The following TRAF4 variants were observed in gnomAD, a reference collection of about 807,000 sequenced individuals.
TRAF4 encodes the protein TNF receptor-associated factor 4.
A neutral mutation model predicts 47.3 loss-of-function variants in TRAF4; 9 were observed. That is an observed-to-expected ratio of 0.19 (90% CI 0.11 to 0.33). The LOEUF is 0.33. Among genes scored for constraint, TRAF4 ranks in the 10% least tolerant of loss-of-function variants. The probability of loss-of-function intolerance (pLI) is 1.00; values close to 1 mark genes in which losing one functional copy is unlikely to be tolerated. For synonymous variants in TRAF4, 236 were observed against 236.9 expected (o/e 1.00, Z 0.04); for missense variants, 448 against 620.3 (o/e 0.72, Z 2.95).
rs1004760193 is a variant in TRAF4 at position 28,749,974 on chromosome 17, T to TC, written c.*402dup. 1.5e-6 allele frequency: 1 copy of TC among 664,500 alleles called. No individual in the cohort carries two copies. Among genetic ancestry groups the TC allele is most frequent in the Non-Finnish European group, 2.8e-6 (1 of 361,004 alleles). The allele number at this position is 664,500 out of a possible 1,614,324, so 41.2% of individuals were successfully genotyped here. On this transcript the variant is annotated 3_prime_UTR_variant, in exon 7 of 7. Transcript: ENST00000262395. ...GAGTCTGTCTTGAGATCTGATTTTT[T>TC]CCCCCTTTACCTAGCTGTGCCCCCT...
chr17:28,748,493 C>T lies in TRAF4; in HGVS notation c.625-18C>T. ...AGTCAGGATATTGACTCCTGCCTCT[C>T]TACTTCTGTGGCCCCAGAGCCACCA... On this transcript the variant is annotated intron_variant, in intron 5 of 6. Coordinates refer to ENST00000262395, the MANE Select transcript of TRAF4 (RefSeq NM_004295.4). The T allele has an allele frequency of 2.5e-6, 4 of 1,611,692 alleles. No homozygotes were observed. The highest frequency in any genetic ancestry group is 3.4e-6 in the Non-Finnish European group (4 of 1,178,642).
At chr17:28,744,281 C>CG (rs1567764494) in intron 1 of TRAF4, 26 bp downstream of exon 1, 6 of 174,022 alleles carry the variant, frequency 3.4e-5, no homozygotes, top group Non-Finnish European at 6.3e-5. Flanking sequence ...CAGGGGACAG[C>CG]GGGGGCGGGG....
rs570344147 is a variant in TRAF4, at chr17:28,746,293, C to G, written c.144-920C>G. On this transcript the variant is annotated intron_variant, in intron 1 of 6. Coordinates refer to ENST00000262395, the MANE Select transcript of TRAF4 (RefSeq NM_004295.4). ...ATTGCTCTGCCTGAGCCATGCCAGG[C>G]ATGTGTGACTGGCCCTGGCTGGGGT... is the stretch of plus-strand genomic sequence containing the variant. Among the ~76,000 whole-genome samples, 9 of 152,250 alleles carry G rather than the reference C, an allele frequency of 5.9e-5. 1 individual carries two copies. Among genetic ancestry groups the G allele is most frequent in the African/African-American group, 1.9e-4 (8 of 41,546 alleles).
In TRAF4 at chr17:28,744,157, G is replaced by T; in HGVS notation, c.45G>T (p.Arg15=). ...AGTTCCTGGAGAAGCCCAAGCGACGGCTGCTGTGCCCACTGTGCGGGAAGC... is the reference window on the plus strand; with the variant it reads ...AGTTCCTGGAGAAGCCCAAGCGACGTCTGCTGTGCCCACTGTGCGGGAAGC... The part of the protein sequence containing the change: ...DYKFLEKPKR[R]LLCPLCGKPM... The change falls in exon 1 of 7, where the codon CGG becomes CGT. Residue 15 remains arginine, a synonymous_variant. Coordinates refer to ENST00000262395, the MANE Select transcript of TRAF4 (RefSeq NM_004295.4). 1.9e-6 allele frequency: 3 copies of T among 1,594,720 alleles called. No individual in the cohort carries two copies. The highest frequency in any genetic ancestry group is 2.2e-5 in the East Asian group (1 of 44,460).
chr17:28,749,299 G>C lies in TRAF4; in HGVS notation c.1135G>C (p.Glu379Gln). ...GCCTGGTGCCTTTGACAATCTCCTT[G>C]AGTGGCCCTTTGCCCGCCGTGTCAC... ...VLPGAFDNLL[E>Q]WPFARRVTFS... Residue 379 changes from glutamate (E) to glutamine (Q), a missense_variant, in exon 7 of 7, where the codon GAG (glutamate) becomes CAG (glutamine). Transcript: ENST00000262395. 1.9e-6 allele frequency: 3 copies of C among 1,614,060 alleles called. 1 individual carries two copies. The South Asian group carries it at 3.3e-5, about 18-fold the overall frequency.
intron 1 of TRAF4, 141 bp downstream of exon 1, chr17:28,744,396 G>C: frequency 2.9e-6 from 3 of 1,019,882 alleles, no homozygotes; most frequent in Non-Finnish European, 4.1e-6. Context: ...GACGTCACGG[G>C]GAGGGATGAC....
rs1237135689 is a variant in TRAF4, at chr17:28,748,534, G to A, written c.648G>A (p.Arg216=). ...TIQSHQYQCP[R]LPVACPNQCG... ...AGAGCCACCAGTACCAGTGCCCAAGGCTGCCTGTTGCCTGCCCCAACCAAT... is the reference window on the plus strand; with the variant it reads ...AGAGCCACCAGTACCAGTGCCCAAGACTGCCTGTTGCCTGCCCCAACCAAT... Residue 216 remains arginine, a synonymous_variant, in exon 6 of 7, where the codon AGG becomes AGA. Transcript: ENST00000262395. The A allele has an allele frequency of 6.2e-7, 1 of 1,613,360 alleles. No homozygotes were observed. Among genetic ancestry groups the A allele is most frequent in the African/African-American group, 1.3e-5 (1 of 74,912 alleles).
chr17:28,748,920 C>A, intron 6 of TRAF4, 25 bp from the exon 7 acceptor site: 1 of 1,591,924 alleles, frequency 6.3e-7, no homozygotes, highest in South Asian at 1.1e-5. Flanking sequence ...CTCCCTTCCC[C>A]CATGGCCTGG....
intron 1 of TRAF4, chr17:28,745,554 C>G (rs1207836053): frequency 6.6e-6 from 1 of 152,204 alleles, no homozygotes; most frequent in African/African-American, 2.4e-5. Context: ...TTCTTGGCCC[C>G]CCTCTCTGCC....
intron 1 of TRAF4, 126 bp downstream of exon 1, chr17:28,744,381 C>T (rs2034475060): frequency 8.9e-7 from 1 of 1,118,456 alleles, no homozygotes; most frequent in South Asian, 1.6e-5. Context: ...TCAGGGGCGC[C>T]CCGTGACGTC....
Position 28,750,930 on chromosome 17 carries a change from T to C in TRAF4, c.*1353T>C, listed in dbSNP as rs949221849. The C allele has an allele frequency of 4.6e-5, 7 of 152,164 alleles. 1 individual carries two copies. Among genetic ancestry groups the C allele is most frequent in the Admixed American group, 3.9e-4 (6 of 15,272 alleles). The allele number at this position is 152,164 out of a possible 1,614,324, so 9.4% of individuals were successfully genotyped here. ...AATGCGGCTCACCTCCCAGATTTGT[T>C]GTAAAGATTAAATGAACTGGTCAGC... is the stretch of plus-strand genomic sequence containing the variant. On this transcript the variant is annotated 3_prime_UTR_variant, in exon 7 of 7. Transcript: ENST00000262395.
At position 28,749,719 on chromosome 17, in the gene TRAF4, A is replaced by AC. The variant is rs144389970; in HGVS notation, c.*145dup. 1,213 of 1,388,896 alleles carry AC rather than the reference A, an allele frequency of 8.7e-4. 8 individuals carry two copies. In the African/African-American group the frequency reaches 0.015, roughly 17 times the overall value. The allele number at this position is 1,388,896 out of a possible 1,614,324, so 86.0% of individuals were successfully genotyped here. A position where few individuals can be genotyped will look rare whatever the true frequency, so the allele number is the denominator to read the frequency against. On this transcript the variant is annotated 3_prime_UTR_variant, in exon 7 of 7. Transcript: ENST00000262395. ...CCCCATCCTCCCTCCCCCAGCCACC[A>AC]CCCTCAGGTGCCTCCAATTGGTGCT...
At chr17:28,744,341 G>C in intron 1 of TRAF4, 86 bp downstream of exon 1, 2 of 1,439,736 alleles carry the variant, frequency 1.4e-6, no homozygotes. Flanking sequence ...GGGCAAGGCG[G>C]GCCTTTGTCT....
At position 28,748,074 on chromosome 17, in the gene TRAF4, A is replaced by C; in HGVS notation, c.358A>C (p.Lys120Gln). 1 of 1,614,008 alleles carries C rather than the reference A, an allele frequency of 6.2e-7. No individual in the cohort carries two copies. The highest frequency in any genetic ancestry group is 1.3e-5 in the African/African-American group (1 of 75,016). The stretch of plus-strand genomic sequence containing the variant: ...TCCCTGCCCTAATCGCTGCCCCATG[A>C]AGCTGAGCCGCCGTGATCTACCTGC... ...VIPCPNRCPM[K>Q]LSRRDLPAHL... The change falls in exon 4 of 7, where the codon AAG becomes CAG. Residue 120 changes from lysine (K) to glutamine (Q), a missense_variant. Coordinates refer to ENST00000262395, the MANE Select transcript of TRAF4 (RefSeq NM_004295.4).
chr17:28,746,492 C>CCTT (rs2034514921), intron 1 of TRAF4, among the ~76,000 whole-genome samples: 2 of 152,212 alleles, frequency 1.3e-5, no homozygotes, highest in African/African-American at 4.8e-5. Context: ...GGACATTTTT[C>CCTT]CTTGCCCCAG....
chr17:28,747,646 G>C (rs2034535589), intron 2 of TRAF4, 197 bp from the exon 3 acceptor site: 3 of 610,366 alleles, frequency 4.9e-6, no homozygotes, highest in Admixed American at 2.9e-5. Flanking sequence ...GAAGCGTCCT[G>C]TGCAGGCATG....
At position 28,750,917 on chromosome 17, in the gene TRAF4, C is replaced by T. The variant is rs1416576387; in HGVS notation, c.*1340C>T. The T allele has an allele frequency of 6.6e-6, 1 of 152,192 alleles. No homozygotes were observed. The highest frequency in any genetic ancestry group is 1.9e-4 in the East Asian group (1 of 5,206). 9.4% of individuals were successfully genotyped at this position (152,192 alleles called of 1,614,324 possible). The stretch of plus-strand genomic sequence containing the variant: ...CCGTCACTGGTGAAATGCGGCTCAC[C>T]TCCCAGATTTGTTGTAAAGATTAAA... On this transcript the variant is annotated 3_prime_UTR_variant, in exon 7 of 7. Transcript: ENST00000262395.
chr17:28,750,229 G>T lies in TRAF4; in HGVS notation c.*652G>T. On this transcript the variant is annotated 3_prime_UTR_variant, in exon 7 of 7. Transcript: ENST00000262395. ...CCTGCTGGCTCGCCCTCTGATGGAC[G>T]CCGGGAAAACTGCATCGGGCTTTGT... The T allele has an allele frequency of 3.1e-6, 1 of 323,194 alleles. No individual in the cohort carries two copies. Among genetic ancestry groups the T allele is most frequent in the Non-Finnish European group, 5.7e-6 (1 of 174,636 alleles). 20.0% of individuals were successfully genotyped at this position (323,194 alleles called of 1,614,324 possible).
In TRAF4 at chr17:28,750,074, T is replaced by G; in HGVS notation, c.*497T>G. ...ATTTTTAATAAATCCGGAATTGTATTTATTAATTTGCTTCCAGCCTGACTT... is the reference window on the plus strand; with the variant it reads ...ATTTTTAATAAATCCGGAATTGTATGTATTAATTTGCTTCCAGCCTGACTT... On this transcript the variant is annotated 3_prime_UTR_variant, in exon 7 of 7. Coordinates refer to ENST00000262395, the MANE Select transcript of TRAF4 (RefSeq NM_004295.4). 1 of 576,998 alleles carries G rather than the reference T, an allele frequency of 1.7e-6. No homozygotes were observed. The highest frequency in any genetic ancestry group is 3.1e-6 in the Non-Finnish European group (1 of 324,166). The allele number at this position is 576,998 out of a possible 1,614,324, so 35.7% of individuals were successfully genotyped here.
Sources: gnomAD v4.1 joint callset for allele counts (sites outside exome capture counted in the v4.1 genomes callset) on GRCh38, gnomAD v4.1.1 for gene constraint, MANE v1.5 for transcripts, NCBI Gene and HGNC (gene_info 2026-07-23, HGNC 2026-07-21) for gene names.